The following CCM2L variants were observed in gnomAD, a reference collection of about 807,000 sequenced individuals.
The protein encoded by CCM2L is CCM2 like scaffold protein, also known as cerebral cavernous malformations 2 protein-like.
In CCM2L, 36 loss-of-function variants were observed where a neutral mutation model predicts 54.1. That is an observed-to-expected ratio of 0.67 (90% confidence interval 0.51 to 0.88). The LOEUF (loss-of-function observed/expected upper bound fraction) is 0.88. CCM2L is among the 40% of genes least tolerant of loss of function. CCM2L has a pLI of 0.00. For synonymous variants in CCM2L, 351 were observed against 359.3 expected, an observed-to-expected ratio of 0.98 and a Z score of 0.26; for missense variants, 700 against 812.1, an observed-to-expected ratio of 0.86 and a Z score of 1.68.
At chr20:32,027,708 T>C (rs2064875910) in intron 7 of CCM2L, 1 of 152,264 alleles carries the variant, frequency 6.6e-6, no homozygotes, top group African/African-American at 2.4e-5. Context: ...TAGGTAATAA[T>C]GGAGGATGGT....
chr20:32,014,945 C>G lies in CCM2L; in HGVS notation c.72C>G (p.Ala24=). Reference sequence around the variant, plus strand: ...TCCGAAGGCTGGTGTTCCCCAAGGCCGGGCGCCGGGCAGCCTGTAGGAGCA... The same window carrying G: ...TCCGAAGGCTGGTGTTCCCCAAGGCGGGGCGCCGGGCAGCCTGTAGGAGCA... ...SPIRRLVFPK[A]GRRAACRSSV... The change falls in exon 2 of 10, where the codon GCC becomes GCG. Residue 24 remains alanine, a synonymous_variant. Transcript: ENST00000452892. 1 of 1,602,228 alleles carries G rather than the reference C, an allele frequency of 6.2e-7. No individual in the cohort carries two copies. Among genetic ancestry groups the G allele is most frequent in the South Asian group, 1.1e-5 (1 of 90,374 alleles).
chr20:32,018,143 C>A lies in CCM2L; in HGVS notation c.447C>A (p.His149Gln), dbSNP rs767302981. ...AASYLQDDAL[H>Q]LLVLKTGLGV... Reference sequence around the variant, plus strand: ...CCTACCTGCAGGACGACGCGCTGCACCTGCTAGTGCTCAAGACCGGTGCGG... The same window carrying A: ...CCTACCTGCAGGACGACGCGCTGCAACTGCTAGTGCTCAAGACCGGTGCGG... Residue 149 changes from histidine to glutamine, a missense_variant, in exon 4 of 10, where the codon CAC becomes CAA. Transcript: ENST00000452892. 3.2e-6 allele frequency: 5 copies of A among 1,586,646 alleles called. No homozygotes were observed. The South Asian group carries it at 5.7e-5, about 18-fold the overall frequency.
At chr20:32,020,429 C>G (rs2064793168) in intron 5 of CCM2L, among the ~76,000 whole-genome samples, 1 of 152,182 alleles carries the variant, frequency 6.6e-6, no homozygotes, top group Non-Finnish European at 1.5e-5. Context: ...TGTCCTTGAT[C>G]TTCTTCTCTC....
intron 2 of CCM2L, 108 bp from the exon 3 acceptor site, chr20:32,017,692 T>C (rs2064751418): frequency 3.4e-6 from 3 of 890,050 alleles, no homozygotes; most frequent in Non-Finnish European, 5.7e-6. Context: ...TATTAATTCA[T>C]GTATTTCTAT....
At chr20:32,028,451 A>T (rs200851466) in intron 7 of CCM2L, 187 of 150,678 alleles carry the variant, frequency 1.2e-3, no homozygotes, top group Admixed American at 2.1e-3. Context: ...AAAAAAAAAA[A>T]TTTTGAACAG....
At chr20:32,010,555 C>CAATTGGGGGGG in intron 1 of CCM2L, 71 bp downstream of exon 1, 1 of 126,164 alleles carries the variant, frequency 7.9e-6, no homozygotes, top group Non-Finnish European at 1.4e-5. Context: ...CAAACTGGGG[C>CAATTGGGGGGG]GGGGTGGGGG....
Position 32,015,009 on chromosome 20 carries a change from C to G in CCM2L, c.136C>G (p.Pro46Ala), listed in dbSNP as rs376303876. 1.9e-6 allele frequency: 3 copies of G among 1,574,796 alleles called. No homozygotes were observed. Among genetic ancestry groups the G allele is most frequent in the African/African-American group, 2.8e-5 (2 of 72,126 alleles). ...RRPLHSMPLYPPDYLIDPQIL... is the reference protein window; with the variant it reads ...RRPLHSMPLYAPDYLIDPQIL... ...GCCCCTGCACTCGATGCCCCTTTATCCCCCCGACTACCTCATCGACCCCCA... is the reference window on the plus strand; with the variant it reads ...GCCCCTGCACTCGATGCCCCTTTATGCCCCCGACTACCTCATCGACCCCCA... The change falls in exon 2 of 10, where the codon CCC (proline) becomes GCC (alanine). Residue 46 changes from proline (P) to alanine (A), a missense_variant. Coordinates refer to ENST00000452892, the MANE Select transcript of CCM2L (RefSeq NM_001365692.1).
At chr20:32,026,156 C>T (rs1163326039) in intron 7 of CCM2L, among the ~76,000 whole-genome samples, 1 of 152,320 alleles carries the variant, frequency 6.6e-6, no homozygotes, top group South Asian at 2.1e-4. Flanking sequence ...GGTTCTCTCC[C>T]AGTCATCCAG....
chr20:32,031,164 G>A lies in CCM2L; in HGVS notation c.1566G>A (p.Ala522=). 2 of 1,302,508 alleles carry A rather than the reference G, an allele frequency of 1.5e-6. No homozygotes were observed. Among genetic ancestry groups the A allele is most frequent in the South Asian group, 1.2e-5 (1 of 80,960 alleles). 80.7% of individuals were successfully genotyped at this position (1,302,508 alleles called of 1,614,324 possible). A position where few individuals can be genotyped will look rare whatever the true frequency, so the allele number is the denominator to read the frequency against. ...ASAVRSYDGA[A]QRPEAQAFHR... is the part of the protein sequence containing the mutation. ...CAGTGCGCAGCTACGATGGCGCGGCGCAGCGGCCCGAGGCACAGGCCTTCC... is the reference window on the plus strand; with the variant it reads ...CAGTGCGCAGCTACGATGGCGCGGCACAGCGGCCCGAGGCACAGGCCTTCC... Residue 522 remains alanine (A), a synonymous_variant, in exon 10 of 10, where the codon GCG becomes GCA. Coordinates refer to ENST00000452892, the MANE Select transcript of CCM2L (RefSeq NM_001365692.1).
chr20:32,018,639 G>A (rs1338093143), intron 4 of CCM2L, among the ~76,000 whole-genome samples: 1 of 152,080 alleles, frequency 6.6e-6, no homozygotes, highest in Non-Finnish European at 1.5e-5. Context: ...CCTTGGGAGG[G>A]GACAGCCTGA....
intron 6 of CCM2L, 61 bp downstream of exon 6, chr20:32,022,856 G>A (rs1600680207): frequency 1.9e-6 from 3 of 1,582,560 alleles, no homozygotes; most frequent in Non-Finnish European, 1.7e-6. Context: ...CCAGGGGAGG[G>A]AAGATGTCCC....
At chr20:32,020,476 C>A (rs1250631387) in intron 5 of CCM2L, among the ~76,000 whole-genome samples, 2 of 152,214 alleles carry the variant, frequency 1.3e-5, no homozygotes, top group Admixed American at 6.5e-5. Flanking sequence ...TCTAGGTGAT[C>A]TGCATCTGAA....
chr20:32,030,343 G>C (rs2064909593), intron 9 of CCM2L, among the ~76,000 whole-genome samples: 1 of 152,116 alleles, frequency 6.6e-6, no homozygotes, highest in African/African-American at 2.4e-5. Flanking sequence ...GAGTTACAAA[G>C]TAAAGGACTG....
rs2064900909 is a variant in CCM2L at position 32,029,692 on chromosome 20, C to G, written c.1264-8C>G. 6.2e-7 allele frequency: 1 copy of G among 1,603,042 alleles called. No individual in the cohort carries two copies. The highest frequency in any genetic ancestry group is 1.3e-5 in the African/African-American group (1 of 74,582). On this transcript the variant is annotated splice_region_variant and splice_polypyrimidine_tract_variant and intron_variant, in intron 8 of 9. Transcript: ENST00000452892. ...TGGGATTGATCTCGAATGGTGTCCC[C>G]CACATAGTTGCGGAGTAAGCTGGGG...
rs745880713 is a variant in CCM2L at position 32,015,041 on chromosome 20, G to A, written c.168G>A (p.Leu56=). The stretch of plus-strand genomic sequence containing the variant: ...ACTACCTCATCGACCCCCAGATTCT[G>A]CTGTGTGACTACCTGGAGAAAGAGG... ...PPDYLIDPQI[L]LCDYLEKEVK... Residue 56 remains leucine, a synonymous_variant, in exon 2 of 10, where the codon CTG becomes CTA. Coordinates refer to ENST00000452892, the MANE Select transcript of CCM2L (RefSeq NM_001365692.1). The A allele has an allele frequency of 3.3e-6, 5 of 1,536,108 alleles. No homozygotes were observed. The highest frequency in any genetic ancestry group is 4.4e-6 in the Non-Finnish European group (5 of 1,144,414).
intron 8 of CCM2L, 74 bp from the exon 9 acceptor site, chr20:32,029,626 G>T (rs2064899682): frequency 6.5e-7 from 1 of 1,528,424 alleles, no homozygotes; most frequent in Non-Finnish European, 8.8e-7. Flanking sequence ...CTTAGGGAAG[G>T]CTCTGGGCCT....
At chr20:32,030,238 C>G (rs995641235) in intron 9 of CCM2L, among the ~76,000 whole-genome samples, 2 of 152,094 alleles carry the variant, frequency 1.3e-5, no homozygotes, top group African/African-American at 4.8e-5. Flanking sequence ...TTGGCAGTTA[C>G]CCTGTGCCAA....
Position 32,029,023 on chromosome 20 carries a change from T to C in CCM2L, c.1162T>C (p.Cys388Arg), listed in dbSNP as rs1185862928. Residue 388 changes from cysteine to arginine, a missense_variant, in exon 8 of 10, where the codon TGT (cysteine) becomes CGT (arginine). Physicochemically the swap from Cys to Arg is radical, Grantham distance 180 (BLOSUM62 -3). Coordinates refer to ENST00000452892, the MANE Select transcript of CCM2L (RefSeq NM_001365692.1). ...TGGCTCCCAGGACACCTTTGAAGCA[T>C]GTTACAGCGGCACGTCCACACCTTC... ...FNGSQDTFEA[C>R]YSGTSTPSFH... The C allele has an allele frequency of 2.5e-6, 4 of 1,614,170 alleles. No homozygotes were observed. Among genetic ancestry groups the C allele is most frequent in the Admixed American group, 3.3e-5 (2 of 60,018 alleles).
At position 32,017,968 on chromosome 20, in the gene CCM2L, C is replaced by T. The variant is rs1340138605; in HGVS notation, c.283-11C>T. ...GGACCTCGGGAACTCGAGATCTGCC[C>T]CTCCCTGCAGCAGCTGAAGGAGCTG... On this transcript the variant is annotated splice_polypyrimidine_tract_variant and intron_variant, in intron 3 of 9. Coordinates refer to ENST00000452892, the MANE Select transcript of CCM2L (RefSeq NM_001365692.1). 6 of 1,613,294 alleles carry T rather than the reference C, an allele frequency of 3.7e-6. No individual in the cohort carries two copies. In the Admixed American group the frequency reaches 8.3e-5, roughly 22 times the overall value.
Sources: gnomAD v4.1 joint callset for allele counts (sites outside exome capture counted in the v4.1 genomes callset) on GRCh38, gnomAD v4.1.1 for gene constraint, MANE v1.5 for transcripts, NCBI Gene and HGNC (gene_info 2026-07-23, HGNC 2026-07-21) for gene names.